Variants in CCDC60 observed in about 807,000 individuals in gnomAD.
The protein encoded by CCDC60 is coiled-coil domain-containing protein 60.
In CCDC60, 54 loss-of-function variants were observed where a neutral mutation model predicts 63.5. The ratio of observed to expected loss-of-function variants is 0.85; its 90% confidence interval spans 0.68 to 1.07. The LOEUF (loss-of-function observed/expected upper bound fraction) is 1.07. Ranked by LOEUF, CCDC60 falls within the 50% of genes least tolerant of loss-of-function variation. CCDC60 has a pLI of 0.00. For missense variants in CCDC60, 651 were observed against 684.3 expected (o/e 0.95, Z 0.54); for synonymous variants, 206 against 238.8 (o/e 0.86, Z 1.27).
At chr12:119,387,616 C>T (rs1158787532) in intron 1 of CCDC60, among the ~76,000 whole-genome samples, 2 of 152,044 alleles carry the variant, frequency 1.3e-5, no homozygotes, top group Non-Finnish European at 2.9e-5. Flanking sequence ...ATATATGAAT[C>T]TTTACACATT....
intron 2 of CCDC60, among the ~76,000 whole-genome samples, chr12:119,454,142 C>T (rs1404792449): frequency 6.6e-6 from 1 of 152,172 alleles, no homozygotes; most frequent in Non-Finnish European, 1.5e-5. Flanking sequence ...AAACCTAGAA[C>T]AGACCATTTC....
chr12:119,468,357 T>C (rs964089558), intron 2 of CCDC60, among the ~76,000 whole-genome samples: 4 of 152,188 alleles, frequency 2.6e-5, no homozygotes, highest in Non-Finnish European at 4.4e-5. Context: ...ATGGCATTAC[T>C]AAGTGATAAC....
intron 1 of CCDC60, among the ~76,000 whole-genome samples, chr12:119,396,103 A>C (rs1956249353): frequency 6.6e-6 from 1 of 151,730 alleles, no homozygotes; most frequent in Non-Finnish European, 1.5e-5. Flanking sequence ...TCGCCTGGCT[A>C]ATTTTTGTAT....
intron 1 of CCDC60, among the ~76,000 whole-genome samples, chr12:119,419,534 T>C (rs1956770746): frequency 6.6e-6 from 1 of 152,232 alleles, no homozygotes; most frequent in African/African-American, 2.4e-5. Flanking sequence ...GTTATATGGG[T>C]ATCTCGTTTC....
chr12:119,523,056 C>G (rs1292945065), intron 10 of CCDC60, 55 bp downstream of exon 10: 3 of 1,458,046 alleles, frequency 2.1e-6, no homozygotes, highest in Non-Finnish European at 2.9e-6. Flanking sequence ...GGTGACCACA[C>G]CCTCTATCTT....
At chr12:119,481,129 C>A (rs1428843523) in intron 4 of CCDC60, among the ~76,000 whole-genome samples, 1 of 151,972 alleles carries the variant, frequency 6.6e-6, no homozygotes. Context: ...TTATCCCTCC[C>A]TAATATTTCA....
intron 1 of CCDC60, among the ~76,000 whole-genome samples, chr12:119,347,460 G>C (rs1955609174): frequency 6.6e-6 from 1 of 152,126 alleles, no homozygotes; most frequent in East Asian, 1.9e-4. Flanking sequence ...TTATTTTTCT[G>C]ATCTCACCAC....
chr12:119,508,044 G>A (rs960418117), intron 7 of CCDC60, among the ~76,000 whole-genome samples: 1 of 152,036 alleles, frequency 6.6e-6, no homozygotes, highest in Non-Finnish European at 1.5e-5. Context: ...GGTGGCACAT[G>A]CCTGTAGTCC....
At chr12:119,438,553 A>C (rs1950372537) in intron 2 of CCDC60, among the ~76,000 whole-genome samples, 1 of 152,160 alleles carries the variant, frequency 6.6e-6, no homozygotes, top group Non-Finnish European at 1.5e-5. Context: ...ACTTCTCTAG[A>C]CCTCAGTTAC....
At chr12:119,407,037 C>T (rs558882390) in intron 1 of CCDC60, among the ~76,000 whole-genome samples, 187 of 152,274 alleles carry the variant, frequency 1.2e-3, no homozygotes, top group African/African-American at 4.1e-3. Flanking sequence ...CCAGAACAGT[C>T]ACCACAATGC....
At position 119,531,042 on chromosome 12, in the gene CCDC60, T is replaced by A; in HGVS notation, c.1530T>A (p.Pro510=). 1 of 1,613,886 alleles carries A rather than the reference T, an allele frequency of 6.2e-7. No homozygotes were observed. The highest frequency in any genetic ancestry group is 1.1e-5 in the South Asian group (1 of 91,028). ...QDLRIWELCS[P]DIAVAIEFVR... The stretch of plus-strand genomic sequence containing the variant: ...TGAGGATTTGGGAACTGTGCTCCCC[T>A]GACATCGCTGTGGCTATTGAGGTAA... The change falls in exon 13 of 14, where the codon CCT becomes CCA. Residue 510 remains proline, a synonymous_variant. Transcript: ENST00000327554.
chr12:119,526,048 T>C (rs1298278806), intron 11 of CCDC60, among the ~76,000 whole-genome samples: 2 of 152,120 alleles, frequency 1.3e-5, no homozygotes, highest in African/African-American at 2.4e-5. Context: ...AACAGCATGA[T>C]ACTGGTACAA....
chr12:119,502,645 T>C (rs1951883739), intron 6 of CCDC60, among the ~76,000 whole-genome samples: 1 of 152,196 alleles, frequency 6.6e-6, no homozygotes, highest in Non-Finnish European at 1.5e-5. Context: ...TTTTAATTAA[T>C]GGCAACTTTG....
At chr12:119,484,712 C>CA (rs963850503) in intron 4 of CCDC60, among the ~76,000 whole-genome samples, 13 of 150,546 alleles carry the variant, frequency 8.6e-5, no homozygotes, top group South Asian at 2.1e-4. Flanking sequence ...GACCCTGTCT[C>CA]AAAAAAAATA....
At chr12:119,417,323 C>A (rs1256012129) in intron 1 of CCDC60, among the ~76,000 whole-genome samples, 1 of 152,140 alleles carries the variant, frequency 6.6e-6, no homozygotes, top group Non-Finnish European at 1.5e-5. Flanking sequence ...TGGTCCCAAA[C>A]TTCAGTCATC....
intron 8 of CCDC60, among the ~76,000 whole-genome samples, chr12:119,519,857 T>A (rs111831963): frequency 0.064 from 9,207 of 143,198 alleles, 870 homozygotes; most frequent in African/African-American, 0.23. Flanking sequence ...AGAGAGAGAG[T>A]GTGTGTGTGT....
At chr12:119,513,160 A>G (rs1428649366) in intron 7 of CCDC60, among the ~76,000 whole-genome samples, 1 of 152,220 alleles carries the variant, frequency 6.6e-6, no homozygotes, top group Non-Finnish European at 1.5e-5. Flanking sequence ...GGGAGTGGGA[A>G]GAATTGAGAT....
intron 1 of CCDC60, among the ~76,000 whole-genome samples, chr12:119,365,500 G>A (rs943735714): frequency 2.0e-5 from 3 of 152,134 alleles, no homozygotes; most frequent in Admixed American, 6.5e-5. Flanking sequence ...TTATACAAAT[G>A]TCAACTTTTG....
chr12:119,537,951 G>C (rs1425440251), intron 13 of CCDC60, among the ~76,000 whole-genome samples: 1 of 152,208 alleles, frequency 6.6e-6, no homozygotes, highest in Admixed American at 6.5e-5. Context: ...TCTCTTCAGA[G>C]CTGTCAGACA....
Sources: allele counts gnomAD v4.1 joint callset (sites outside exome capture counted in the v4.1 genomes callset), GRCh38; gene constraint gnomAD v4.1.1; transcripts MANE v1.5; gene names NCBI Gene and HGNC (gene_info 2026-07-23, HGNC 2026-07-21).